Variants in NRG1 observed in about 807,000 individuals in gnomAD.
NRG1 encodes pro-neuregulin-1, membrane-bound isoform.
In NRG1, 18 loss-of-function variants were observed where a neutral mutation model predicts 63.8. The ratio of observed to expected loss-of-function variants is 0.28; its 90% CI spans 0.19 to 0.42. NRG1 has a LOEUF of 0.42. Ranked by LOEUF, NRG1 falls within the 10% of genes least tolerant of loss-of-function variation. NRG1 has a pLI of 1.00. For missense variants in NRG1, 762 were observed against 814.7 expected (o/e 0.94, Z 0.79); for synonymous variants, 302 against 301.3 (o/e 1.00, Z -0.02).
intron 5 of NRG1, among the ~76,000 whole-genome samples, chr8:32,696,914 G>A (rs949349407): frequency 6.6e-6 from 1 of 151,788 alleles, no homozygotes; most frequent in Non-Finnish European, 1.5e-5. Flanking sequence ...CACCCACCTC[G>A]ACTTCCCAAA....
At chr8:32,338,665 G>A (rs1034095914) in intron 1 of NRG1, among the ~76,000 whole-genome samples, 1 of 152,042 alleles carries the variant, frequency 6.6e-6, no homozygotes, top group African/African-American at 2.4e-5. Context: ...ATAAAAAAAG[G>A]ATTGATATTT....
intron 1 of NRG1, among the ~76,000 whole-genome samples, chr8:31,651,418 T>C (rs1322257808): frequency 6.6e-6 from 1 of 152,232 alleles, no homozygotes; most frequent in African/African-American, 2.4e-5. Flanking sequence ...TTACTGTGAA[T>C]TTATTTTTAC....
intron 1 of NRG1, among the ~76,000 whole-genome samples, chr8:31,923,866 C>T (rs2129619274): frequency 6.6e-6 from 1 of 152,008 alleles, no homozygotes; most frequent in East Asian, 1.9e-4. Flanking sequence ...TATCTCCCAC[C>T]CCTCACCCCT....
rs554310728 is a variant in NRG1 at position 32,728,728 on chromosome 8, CTG to C, written c.632+652_632+653del. Reference sequence around the variant, plus strand: ...GTCTATAGATATATCTAGAATAGCACTGTCTTTCCAATGACCTGAAGGAGTTG... The same window carrying C: ...GTCTATAGATATATCTAGAATAGCACTCTTTCCAATGACCTGAAGGAGTTG... On this transcript the variant is annotated intron_variant, in intron 6 of 11. Transcript: ENST00000356819. The C allele has an allele frequency of 2.6e-5, 23 of 875,362 alleles. No individual in the cohort carries two copies. In the South Asian group the frequency reaches 1.0e-3, roughly 38 times the overall value. The allele number at this position is 875,362 out of a possible 1,614,324, so 54.2% of individuals were successfully genotyped here. A position where few individuals can be genotyped will look rare whatever the true frequency, so the allele number is the denominator to read the frequency against.
intron 1 of NRG1, among the ~76,000 whole-genome samples, chr8:31,826,541 C>G (rs1433512054): frequency 6.6e-6 from 1 of 152,206 alleles, no homozygotes; most frequent in African/African-American, 2.4e-5. Flanking sequence ...CATTAATACT[C>G]TTTTCTTTAT....
chr8:32,232,724 G>A (rs958226744), intron 1 of NRG1, among the ~76,000 whole-genome samples: 5 of 152,170 alleles, frequency 3.3e-5, no homozygotes, highest in African/African-American at 1.2e-4. Flanking sequence ...AGGGTCATAG[G>A]AAAATGGCCA....
chr8:31,700,175 G>A (rs1175456694), intron 1 of NRG1, among the ~76,000 whole-genome samples: 2 of 152,112 alleles, frequency 1.3e-5, no homozygotes, highest in Non-Finnish European at 2.9e-5. Flanking sequence ...GGGAATGAGG[G>A]TGGGTGAGGG....
At chr8:32,222,084 AGGC>A (rs1845883580) in intron 1 of NRG1, among the ~76,000 whole-genome samples, 1 of 150,256 alleles carries the variant, frequency 6.7e-6, no homozygotes, top group African/African-American at 2.5e-5. Context: ...CACTTTTTCC[AGGC>A]CACAGACAGG....
intron 1 of NRG1, among the ~76,000 whole-genome samples, chr8:32,309,717 T>C (rs1390503732): frequency 6.6e-6 from 1 of 152,078 alleles, no homozygotes; most frequent in African/African-American, 2.4e-5. Context: ...ATCATTTCTG[T>C]CTTCCAGAGA....
At chr8:32,699,581 A>C (rs1184009585) in intron 5 of NRG1, among the ~76,000 whole-genome samples, 2 of 152,240 alleles carry the variant, frequency 1.3e-5, no homozygotes, top group African/African-American at 2.4e-5. Flanking sequence ...CTTTAAAAGA[A>C]TGGAAAAATG....
intron 1 of NRG1, among the ~76,000 whole-genome samples, chr8:32,230,321 T>A (rs1244183436): frequency 1.3e-5 from 2 of 152,122 alleles, no homozygotes; most frequent in Non-Finnish European, 1.5e-5. Flanking sequence ...TGAAGACAAA[T>A]GTCTCACGCC....
chr8:32,504,634 A>G (rs968063086), intron 1 of NRG1, among the ~76,000 whole-genome samples: 1 of 152,152 alleles, frequency 6.6e-6, no homozygotes, highest in Admixed American at 6.5e-5. Flanking sequence ...ACAGATAGAG[A>G]TTATTTTAAG....
chr8:31,965,561 A>G (rs181534283), intron 1 of NRG1, among the ~76,000 whole-genome samples: 3 of 152,246 alleles, frequency 2.0e-5, no homozygotes, highest in Admixed American at 2.0e-4. Flanking sequence ...TTTCTTTTGG[A>G]TAAATACCCA....
chr8:31,968,514 A>G (rs1186690222), intron 1 of NRG1, among the ~76,000 whole-genome samples: 1 of 152,208 alleles, frequency 6.6e-6, no homozygotes, highest in Non-Finnish European at 1.5e-5. Context: ...CAGAAGCCCC[A>G]AAAGAGCAGA....
intron 1 of NRG1, among the ~76,000 whole-genome samples, chr8:32,180,907 C>T (rs927613094): frequency 1.3e-5 from 2 of 152,140 alleles, no homozygotes; most frequent in African/African-American, 4.8e-5. Flanking sequence ...TGCATTTTCT[C>T]CTTCCACCAC....
At chr8:32,725,911 A>G (rs1822054366) in intron 5 of NRG1, among the ~76,000 whole-genome samples, 1 of 152,300 alleles carries the variant, frequency 6.6e-6, no homozygotes, top group African/African-American at 2.4e-5. Flanking sequence ...TGTATACTCC[A>G]TGATTTTACA....
chr8:32,302,471 G>A lies in NRG1; in HGVS notation c.38-293357G>A, dbSNP rs377668003. ...GTTAAGCTGTTCTGCCCTGTTGCAT[G>A]CAGAGAGTAGTCTGAATGCTATTGC... On this transcript the variant is annotated intron_variant, in intron 1 of 10. Transcript: ENST00000519301. Among the ~76,000 whole-genome samples, 17 of 152,348 alleles carry A rather than the reference G, an allele frequency of 1.1e-4. 1 individual carries two copies. Among genetic ancestry groups the A allele is most frequent in the African/African-American group, 4.1e-4 (17 of 41,568 alleles).
chr8:31,792,098 T>TTTATTTGG (rs1820771940), intron 1 of NRG1, among the ~76,000 whole-genome samples: 2 of 152,204 alleles, frequency 1.3e-5, no homozygotes, highest in African/African-American at 4.8e-5. Flanking sequence ...ACTAGTTACA[T>TTTATTTGG]GACCTTTTTC....
In NRG1 at chr8:32,326,124, C is replaced by T. The variant is rs553802138; in HGVS notation, c.38-269704C>T. On this transcript the variant is annotated intron_variant, in intron 1 of 10. Coordinates refer to the NRG1 transcript ENST00000519301. Reference sequence around the variant, plus strand: ...TCCTGGGTTCAAGCGATTCTCCTGCCTCAGCCTCCTGAGTAGCTGCGATTA... The same window carrying T: ...TCCTGGGTTCAAGCGATTCTCCTGCTTCAGCCTCCTGAGTAGCTGCGATTA... 2.0e-5 allele frequency among the ~76,000 whole-genome samples: 3 copies of T among 151,960 alleles called. No homozygotes were observed. The East Asian group carries it at 5.8e-4, about 29-fold the overall frequency.
Sources: gnomAD v4.1 joint callset for allele counts (sites outside exome capture counted in the v4.1 genomes callset) on GRCh38, gnomAD v4.1.1 for gene constraint, MANE v1.5 for transcripts, NCBI Gene and HGNC (gene_info 2026-07-23, HGNC 2026-07-21) for gene names.